APOM: variants seen among roughly 807,000 people sequenced by gnomAD.
APOM encodes the protein NG20-like protein.
In APOM, 24 loss-of-function variants were observed where a neutral mutation model predicts 23.5. That is an observed-to-expected ratio of 1.02 (90% CI 0.74 to 1.44). APOM has a LOEUF of 1.44. Ranked by LOEUF, APOM falls within the 40% of genes most tolerant of loss-of-function variation. The probability of loss-of-function intolerance (pLI) is 0.00; values close to 1 mark genes in which losing one functional copy is unlikely to be tolerated. For synonymous variants in APOM, 82 were observed against 84.1 expected, an observed-to-expected ratio of 0.97 and a Z score of 0.14; for missense variants, 200 against 233.2, an observed-to-expected ratio of 0.86 and a Z score of 0.93.
At chr6:31,655,698 C>T (rs1480839793), upstream of APOM, 2 of 415,942 alleles carry the variant, frequency 4.8e-6, no homozygotes, top group Non-Finnish European at 8.8e-6. Context: ...ACAGGCTTCT[C>T]CCTGGACAGC....
chr6:31,656,997 C>G (rs557308811), intron 2 of APOM, among the ~76,000 whole-genome samples: 191 of 152,166 alleles, frequency 1.3e-3, no homozygotes, highest in African/African-American at 4.1e-3. Flanking sequence ...ATATAAAAAA[C>G]TAGCTGGGCA....
upstream of APOM, among the ~76,000 whole-genome samples, chr6:31,653,583 A>G (rs1442070235): frequency 6.6e-6 from 1 of 152,218 alleles, no homozygotes; most frequent in Non-Finnish European, 1.5e-5. Flanking sequence ...TTAAGTGAGT[A>G]CACTTAGACG....
At chr6:31,657,189 CTCAT>C in intron 2 of APOM, 32 bp from the exon 3 acceptor site, 1 of 1,592,158 alleles carries the variant, frequency 6.3e-7, no homozygotes, top group Non-Finnish European at 8.6e-7. Flanking sequence ...TGGGGTGATG[CTCAT>C]TCTTTCCTCC....
upstream of APOM, chr6:31,655,776 G>A (rs1471818581): frequency 1.9e-5 from 11 of 570,360 alleles, no homozygotes; most frequent in Non-Finnish European, 3.2e-5. Flanking sequence ...GGTTGCATCC[G>A]GAAGAGGGGG....
At position 31,657,221 on chromosome 6, in the gene APOM, G is replaced by T. The variant is rs1800193167; in HGVS notation, c.270-4G>T. On this transcript the variant is annotated splice_polypyrimidine_tract_variant and splice_region_variant and intron_variant, in intron 2 of 5. Transcript: ENST00000375916. ...TTTCCTCCTTGCCACCACCACCTCTGCAGGAAAGATGGGCTCTGTGTGCCC... is the reference window on the plus strand; with the variant it reads ...TTTCCTCCTTGCCACCACCACCTCTTCAGGAAAGATGGGCTCTGTGTGCCC... 6.2e-7 allele frequency: 1 copy of T among 1,612,688 alleles called. No individual in the cohort carries two copies. The highest frequency in any genetic ancestry group is 8.5e-7 in the Non-Finnish European group (1 of 1,179,960).
chr6:31,654,586 C>T (rs1193067559), upstream of APOM, among the ~76,000 whole-genome samples: 2 of 152,102 alleles, frequency 1.3e-5, no homozygotes, highest in Admixed American at 6.5e-5. Flanking sequence ...TCATCTGAGC[C>T]GGGGAAGTCA....
At chr6:31,656,193 T>G (rs1800033813) in intron 1 of APOM, 113 bp downstream of exon 1, 1 of 881,818 alleles carries the variant, frequency 1.1e-6, no homozygotes, top group South Asian at 1.6e-5. Flanking sequence ...GGGGTGTGAG[T>G]GTTGTGATAA....
Position 31,658,055 on chromosome 6 carries a change from C to G in APOM, c.542-9C>G, listed in dbSNP as rs1297801637. Reference sequence around the variant, plus strand: ...CTTCTGTCCTTCTTTTTCCCTCCCCCCATCACAGAGGCCTGTGAGCTGTCC... The same window carrying G: ...CTTCTGTCCTTCTTTTTCCCTCCCCGCATCACAGAGGCCTGTGAGCTGTCC... On this transcript the variant is annotated splice_polypyrimidine_tract_variant and intron_variant, in intron 5 of 5. Coordinates refer to ENST00000375916, the MANE Select transcript of APOM (RefSeq NM_019101.3). The G allele has an allele frequency of 3.7e-6, 6 of 1,614,004 alleles. No homozygotes were observed. In the African/African-American group the frequency reaches 4.0e-5, roughly 11 times the overall value.
chr6:31,653,651 T>C (rs1476146063), upstream of APOM, among the ~76,000 whole-genome samples: 2 of 152,198 alleles, frequency 1.3e-5, no homozygotes, highest in Admixed American at 6.5e-5. Context: ...CGAGCACTTG[T>C]ACTTTACTGC....
chr6:31,656,707 C>T, intron 2 of APOM, 81 bp downstream of exon 2: 1 of 1,531,706 alleles, frequency 6.5e-7, no homozygotes, highest in East Asian at 2.3e-5. Flanking sequence ...GAGCTGGCCT[C>T]TTAGCTGGTA....
At chr6:31,657,873 CAA>C (rs1253085371) in intron 5 of APOM, 150 bp downstream of exon 5, 1 of 964,992 alleles carries the variant, frequency 1.0e-6, no homozygotes, top group Non-Finnish European at 1.6e-6. Context: ...CTGGGCTACT[CAA>C]AAGAGAGGTT....
intron 4 of APOM, 53 bp from the exon 5 acceptor site, chr6:31,657,572 A>G (rs1266044633): frequency 2.5e-6 from 4 of 1,592,458 alleles, no homozygotes; most frequent in Non-Finnish European, 3.4e-6. Flanking sequence ...TCCCAGGAAG[A>G]GCTAGGTGCT....
In APOM at chr6:31,655,966, G is replaced by T; in HGVS notation, c.-1G>T. ...GAGCACCAGCTCCCTCCTGCCTGAA[G>T]ATGTTCCACCAAATTTGGGCAGCTC... On this transcript the variant is annotated 5_prime_UTR_variant, in exon 1 of 6. Coordinates refer to ENST00000375916, the MANE Select transcript of APOM (RefSeq NM_019101.3). 6.3e-7 allele frequency: 1 copy of T among 1,590,040 alleles called. No individual in the cohort carries two copies. The highest frequency in any genetic ancestry group is 8.6e-7 in the Non-Finnish European group (1 of 1,166,800).
chr6:31,653,366 GCCC>G (rs1239427798), upstream of APOM, among the ~76,000 whole-genome samples: 1 of 152,168 alleles, frequency 6.6e-6, no homozygotes, highest in Non-Finnish European at 1.5e-5. Context: ...AAGGGCCTCG[GCCC>G]CGCGAAACTG....
chr6:31,655,772 A>C, upstream of APOM: 1 of 560,678 alleles, frequency 1.8e-6, no homozygotes. Flanking sequence ...GAGTGGTTGC[A>C]TCCGGAAGAG....
At chr6:31,656,779 G>A (rs1449600605) in intron 2 of APOM, 153 bp downstream of exon 2, 1 of 527,288 alleles carries the variant, frequency 1.9e-6, no homozygotes. Context: ...GGAGAAAGAT[G>A]TGCCTAACCA....
chr6:31,655,612 G>C (rs1799956218), upstream of APOM: 1 of 170,666 alleles, frequency 5.9e-6, no homozygotes, highest in South Asian at 1.9e-4. Flanking sequence ...GAATGAATGA[G>C]AGGCCCAGTC....
intron 2 of APOM, 127 bp from the exon 3 acceptor site, chr6:31,657,098 A>G: frequency 2.4e-6 from 2 of 838,612 alleles, no homozygotes; most frequent in Non-Finnish European, 3.8e-6. Context: ...GTGAGCCGAG[A>G]TGGCGCCACT....
At chr6:31,657,349 G>C (rs767774356) in intron 3 of APOM, 31 bp from the exon 4 acceptor site, 2 of 1,612,862 alleles carry the variant, frequency 1.2e-6, no homozygotes, top group Admixed American at 1.7e-5. Flanking sequence ...CTGCATCTCT[G>C]TTCTCATACT....
Sources: gnomAD v4.1 joint callset for allele counts (sites outside exome capture counted in the v4.1 genomes callset) on GRCh38, gnomAD v4.1.1 for gene constraint, MANE v1.5 for transcripts, NCBI Gene and HGNC (gene_info 2026-07-23, HGNC 2026-07-21) for gene names.